FARS2: variants seen among roughly 807,000 people sequenced by gnomAD.
FARS2 encodes phenylalanine--tRNA ligase, mitochondrial.
In FARS2, 40 loss-of-function variants were observed where a neutral mutation model predicts 46.4. That is an observed-to-expected ratio of 0.86 (90% CI 0.67 to 1.12). The LOEUF is 1.12. FARS2 is among the 50% of genes most tolerant of loss of function. FARS2 has a pLI of 0.00. For missense variants in FARS2, 513 were observed against 567.9 expected, an observed-to-expected ratio of 0.90 and a Z score of 0.98; for synonymous variants, 234 against 214.9, an observed-to-expected ratio of 1.09 and a Z score of -0.78.
chr6:5,728,847 C>T (rs939563393), intron 6 of FARS2, among the ~76,000 whole-genome samples: 1 of 152,194 alleles, frequency 6.6e-6, no homozygotes, highest in African/African-American at 2.4e-5. Flanking sequence ...TGGCCTCCCT[C>T]GGCAACCCTA....
In FARS2 at chr6:5,737,246, A is replaced by T. The variant is rs74295304; in HGVS notation, c.1218-34045A>T. 4.5e-4 allele frequency among the ~76,000 whole-genome samples: 69 copies of T among 152,274 alleles called. No individual in the cohort carries two copies. In the East Asian group the frequency reaches 0.012, roughly 26 times the overall value. On this transcript the variant is annotated intron_variant, in intron 6 of 6. Transcript: ENST00000274680. ...AAATAGAATAGGCTTCAGAAATAAG[A>T]TCCTGGCCGGGCGCAATGGCTCACG... is the stretch of plus-strand genomic sequence containing the variant.
At position 5,471,249 on chromosome 6, in the gene FARS2, G is replaced by A. The variant is rs1164347115; in HGVS notation, c.904+40077G>A. ...TTGCACGTATTAATTAAGTCTTGCC[G>A]AGGCCTTGTTAGTGATCCGGTGCTA... is the stretch of plus-strand genomic sequence containing the variant. On this transcript the variant is annotated intron_variant, in intron 4 of 6. Coordinates refer to ENST00000274680, the MANE Select transcript of FARS2 (RefSeq NM_006567.5). This position sits in a 1 kb window ranked among gnomAD's most constrained non-coding sequence, Gnocchi z 4.1. 6.6e-6 allele frequency among the ~76,000 whole-genome samples: 1 copy of A among 152,152 alleles called. No homozygotes were observed. Among genetic ancestry groups the A allele is most frequent in the African/African-American group, 2.4e-5 (1 of 41,430 alleles).
intron 6 of FARS2, among the ~76,000 whole-genome samples, chr6:5,698,858 T>TCA (rs1473180988): frequency 6.6e-6 from 1 of 152,166 alleles, no homozygotes; most frequent in Non-Finnish European, 1.5e-5. Context: ...TGCATCATTC[T>TCA]CACACACAGA....
chr6:5,566,957 G>C (rs1014541141), intron 5 of FARS2, among the ~76,000 whole-genome samples: 12 of 152,252 alleles, frequency 7.9e-5, no homozygotes, highest in Admixed American at 6.5e-5. Context: ...CAGTGAAAGA[G>C]ATTTGACCCA....
intron 4 of FARS2, chr6:5,457,957 A>G (rs1764997544): frequency 6.6e-6 from 1 of 152,240 alleles, no homozygotes. Context: ...CTGAAGCTGA[A>G]TGGGTTTACT....
chr6:5,446,063 C>T (rs528575314), intron 4 of FARS2, among the ~76,000 whole-genome samples: 5 of 151,868 alleles, frequency 3.3e-5, no homozygotes, highest in South Asian at 4.1e-4. Flanking sequence ...ATTAGCCGGG[C>T]GTGGGGGCGG....
At chr6:5,262,198 A>C (rs1765202098) in intron 1 of FARS2, among the ~76,000 whole-genome samples, 1 of 152,222 alleles carries the variant, frequency 6.6e-6, no homozygotes, top group Non-Finnish European at 1.5e-5. Context: ...TTGTGTTCTC[A>C]TCTGCTTTAG....
At chr6:5,760,473 G>A (rs529407682) in intron 6 of FARS2, among the ~76,000 whole-genome samples, 1 of 152,310 alleles carries the variant, frequency 6.6e-6, no homozygotes, top group African/African-American at 2.4e-5. Flanking sequence ...GTGTCTGTAT[G>A]CAGTGAAGCC....
intron 1 of FARS2, among the ~76,000 whole-genome samples, chr6:5,319,000 G>C (rs1769772307): frequency 6.6e-6 from 1 of 152,144 alleles, no homozygotes; most frequent in African/African-American, 2.4e-5. Flanking sequence ...AACTCAAGGA[G>C]ATGAATAGTT....
chr6:5,330,369 G>A lies in FARS2; in HGVS notation c.-21-38181G>A, dbSNP rs1770715993. On this transcript the variant is annotated intron_variant, in intron 1 of 6. Transcript: ENST00000274680. ...AGACCTACTTCGCCATGTAGGTGTA[G>A]CGTATGCTGCTTCTGTGCTGGTGAC... 2.0e-5 allele frequency among the ~76,000 whole-genome samples: 3 copies of A among 152,118 alleles called. 1 individual carries two copies. The South Asian group carries it at 6.2e-4, about 32-fold the overall frequency.
chr6:5,605,924 A>G (rs922887893), intron 5 of FARS2, among the ~76,000 whole-genome samples: 1 of 152,196 alleles, frequency 6.6e-6, no homozygotes, highest in African/African-American at 2.4e-5. Flanking sequence ...AAGAAGGAAA[A>G]GCAGATGAGA....
chr6:5,529,138 A>T (rs1769657269), intron 4 of FARS2, among the ~76,000 whole-genome samples: 1 of 152,162 alleles, frequency 6.6e-6, no homozygotes, highest in African/African-American at 2.4e-5. Context: ...TAGTTTTCTT[A>T]TCTATAAAAT....
chr6:5,606,787 A>G (rs1016363147), intron 5 of FARS2, among the ~76,000 whole-genome samples: 1 of 152,186 alleles, frequency 6.6e-6, no homozygotes, highest in Non-Finnish European at 1.5e-5. Flanking sequence ...GGGCTGGAGC[A>G]CAGCTGAAAA....
At chr6:5,717,345 A>ATG (rs1241575174) in intron 6 of FARS2, among the ~76,000 whole-genome samples, 2 of 123,894 alleles carry the variant, frequency 1.6e-5, no homozygotes, top group Admixed American at 8.3e-5. Context: ...AAACATAGAT[A>ATG]TGTATATGTG....
intron 1 of FARS2, among the ~76,000 whole-genome samples, chr6:5,348,179 C>T (rs1432159614): frequency 2.6e-5 from 4 of 152,120 alleles, no homozygotes; most frequent in Non-Finnish European, 5.9e-5. Context: ...CAAAAAAATC[C>T]ATTCTCTCAA....
At chr6:5,271,421 C>G (rs1414642861) in intron 1 of FARS2, among the ~76,000 whole-genome samples, 1 of 152,134 alleles carries the variant, frequency 6.6e-6, no homozygotes. Context: ...AACCAGTTGC[C>G]TAGCTCCTAG....
intron 1 of FARS2, among the ~76,000 whole-genome samples, chr6:5,336,709 A>G (rs1328047228): frequency 6.6e-6 from 1 of 152,040 alleles, no homozygotes; most frequent in Admixed American, 6.5e-5. Flanking sequence ...TATTCACCCT[A>G]TTGTGCTATC....
intron 6 of FARS2, among the ~76,000 whole-genome samples, chr6:5,718,319 T>C (rs980887221): frequency 6.6e-6 from 1 of 152,252 alleles, no homozygotes; most frequent in African/African-American, 2.4e-5. Context: ...GCACTAGGTC[T>C]GTCTTGCTAG....
chr6:5,579,121 T>C (rs1311534453), intron 5 of FARS2, among the ~76,000 whole-genome samples: 1 of 152,208 alleles, frequency 6.6e-6, no homozygotes, highest in Non-Finnish European at 1.5e-5. Flanking sequence ...TGTATTTAAG[T>C]GAGTATATTA....
Sources: allele counts gnomAD v4.1 joint callset (sites outside exome capture counted in the v4.1 genomes callset), GRCh38; gene constraint gnomAD v4.1.1; non-coding constraint Gnocchi (gnomAD v3.1); transcripts MANE v1.5; gene names NCBI Gene and HGNC (gene_info 2026-07-23, HGNC 2026-07-21).